Variants in NOX4 observed in about 807,000 individuals in gnomAD.
NOX4 encodes the protein NADPH oxidase 4.
Under a neutral mutation model 87.6 loss-of-function variants are expected in NOX4, and 69 were observed. The observed-to-expected ratio is 0.79, with a 90% CI of 0.65 to 0.96. The LOEUF (loss-of-function observed/expected upper bound fraction) is 0.96. NOX4 is among the 40% of genes least tolerant of loss of function. NOX4 has a pLI of 0.00. For missense variants in NOX4, 680 were observed against 681.5 expected, an observed-to-expected ratio of 1.00 and a Z score of 0.02; for synonymous variants, 275 against 238.2, an observed-to-expected ratio of 1.15 and a Z score of -1.42.
At chr11:89,413,812 G>A (rs1287968001) in intron 8 of NOX4, among the ~76,000 whole-genome samples, 1 of 152,056 alleles carries the variant, frequency 6.6e-6, no homozygotes, top group Non-Finnish European at 1.5e-5. Context: ...AAATATTTGA[G>A]ATTATGAATA....
rs183298813 is a variant in NOX4, at chr11:89,349,244, A to G, written c.1217+5718T>C. On this transcript the variant is annotated intron_variant, in intron 13 of 17. Coordinates refer to ENST00000263317, the MANE Select transcript of NOX4 (RefSeq NM_016931.5). ...AGAGCTTGCAGTGAGCCGAAATTGC[A>G]CCACTGCACGCCAGCCTAGGCAACA... Among the ~76,000 whole-genome samples the G allele has an allele frequency of 1.5e-3, 226 of 152,086 alleles. 2 individuals are homozygous for G. The highest frequency in any genetic ancestry group is 0.012 in the East Asian group (64 of 5,178).
chr11:89,587,353 A>G, the NOX4 span, among the ~76,000 whole-genome samples: 1 of 152,202 alleles, frequency 6.6e-6, no homozygotes, highest in Non-Finnish European at 1.5e-5. Context: ...AAGATAATGT[A>G]CTGAATTTTA....
At chr11:89,376,654 A>T (rs1361730601) in intron 11 of NOX4, among the ~76,000 whole-genome samples, 1 of 152,154 alleles carries the variant, frequency 6.6e-6, no homozygotes, top group Non-Finnish European at 1.5e-5. Flanking sequence ...AGGCCGGGGC[A>T]GGTGGATCAC....
intron 2 of NOX4, among the ~76,000 whole-genome samples, chr11:89,475,946 T>C (rs1030558829): frequency 3.3e-5 from 5 of 152,078 alleles, no homozygotes; most frequent in African/African-American, 1.2e-4. Context: ...GTTAAGACAT[T>C]TAGCAAACAA....
At chr11:89,423,986 G>A (rs886361816) in intron 7 of NOX4, among the ~76,000 whole-genome samples, 3 of 152,102 alleles carry the variant, frequency 2.0e-5, no homozygotes, top group African/African-American at 7.2e-5. Context: ...AGGATCACTT[G>A]AGCCTGGGAG....
At chr11:89,378,216 T>C (rs1161506061) in intron 11 of NOX4, among the ~76,000 whole-genome samples, 1 of 152,154 alleles carries the variant, frequency 6.6e-6, no homozygotes, top group African/African-American at 2.4e-5. Flanking sequence ...ATATTCCATG[T>C]TTCTCCTTTT....
the NOX4 span, among the ~76,000 whole-genome samples, chr11:89,562,164 CATTAG>C: frequency 6.6e-6 from 1 of 152,056 alleles, no homozygotes; most frequent in Non-Finnish European, 1.5e-5. Flanking sequence ...ATATTCCTAA[CATTAG>C]ATTAATTATA....
intron 2 of NOX4, among the ~76,000 whole-genome samples, chr11:89,455,067 A>G (rs1174376636): frequency 6.6e-6 from 1 of 152,158 alleles, no homozygotes; most frequent in Non-Finnish European, 1.5e-5. Context: ...CCTATAGGCC[A>G]TATACATTAT....
chr11:89,534,536 G>C, the NOX4 span, among the ~76,000 whole-genome samples: 3 of 152,110 alleles, frequency 2.0e-5, no homozygotes, highest in Admixed American at 6.6e-5. Context: ...CCACAGAATC[G>C]TGTTTTGTCC....
At chr11:89,539,250 G>T in the NOX4 span, among the ~76,000 whole-genome samples, 1 of 152,018 alleles carries the variant, frequency 6.6e-6, no homozygotes, top group Non-Finnish European at 1.5e-5. Flanking sequence ...TGGCTAACAC[G>T]ATGAAAACCC....
intron 8 of NOX4, among the ~76,000 whole-genome samples, chr11:89,406,094 T>C (rs553970622): frequency 4.8e-4 from 73 of 152,284 alleles, no homozygotes; most frequent in Non-Finnish European, 9.0e-4. Context: ...ACTTACTTTT[T>C]CATTGTATGA....
chr11:89,470,332 G>T (rs1945877215), intron 2 of NOX4, among the ~76,000 whole-genome samples: 1 of 152,052 alleles, frequency 6.6e-6, no homozygotes, highest in Admixed American at 6.6e-5. Flanking sequence ...CATTCTCATT[G>T]TAGTTGTATA....
the NOX4 span, among the ~76,000 whole-genome samples, chr11:89,525,742 GT>G: frequency 1.3e-5 from 2 of 151,924 alleles, no homozygotes; most frequent in Non-Finnish European, 2.9e-5. Flanking sequence ...AAATTTATCC[GT>G]TATGGAGGAT....
At chr11:89,555,087 C>T in the NOX4 span, among the ~76,000 whole-genome samples, 1 of 152,038 alleles carries the variant, frequency 6.6e-6, no homozygotes, top group Admixed American at 6.6e-5. Context: ...ATAATAGTTT[C>T]CTGCCCCAGT....
intron 6 of NOX4, among the ~76,000 whole-genome samples, chr11:89,440,149 T>G (rs1311082455): frequency 6.6e-6 from 1 of 152,108 alleles, no homozygotes; most frequent in Non-Finnish European, 1.5e-5. Flanking sequence ...TTTGCTTATT[T>G]TTACTCTCCA....
chr11:89,473,794 T>C lies in NOX4; in HGVS notation c.153+16664A>G, dbSNP rs892021221. Among the ~76,000 whole-genome samples the C allele has an allele frequency of 5.3e-5, 8 of 152,090 alleles. 1 individual carries two copies. Among genetic ancestry groups the C allele is most frequent in the African/African-American group, 1.4e-4 (6 of 41,426 alleles). On this transcript the variant is annotated intron_variant, in intron 2 of 17. Coordinates refer to ENST00000263317, the MANE Select transcript of NOX4 (RefSeq NM_016931.5). ...TATGACTTTCAACTTTTGAATGAAG[T>C]CGACTCTCTTCCAGTCTTTCCTTGG...
At chr11:89,552,206 G>A in the NOX4 span, among the ~76,000 whole-genome samples, 1 of 152,116 alleles carries the variant, frequency 6.6e-6, no homozygotes, top group Non-Finnish European at 1.5e-5. Flanking sequence ...AGTACTGTTT[G>A]TTATATTTTA....
At chr11:89,577,608 A>G in the NOX4 span, 1 of 152,210 alleles carries the variant, frequency 6.6e-6, no homozygotes, top group African/African-American at 2.4e-5. Flanking sequence ...CCAAATTTAT[A>G]TAGCTAGTTA....
intron 7 of NOX4, among the ~76,000 whole-genome samples, chr11:89,422,323 T>C (rs1211494184): frequency 6.6e-6 from 1 of 152,172 alleles, no homozygotes; most frequent in Non-Finnish European, 1.5e-5. Context: ...TTATCAATAT[T>C]CTCAGTTTTC....
Sources: allele counts gnomAD v4.1 joint callset (sites outside exome capture counted in the v4.1 genomes callset), GRCh38; gene constraint gnomAD v4.1.1; transcripts MANE v1.5; gene names NCBI Gene and HGNC (gene_info 2026-07-23, HGNC 2026-07-21).